Variants in PTPRU observed in about 807,000 individuals in gnomAD.
PTPRU encodes receptor-type tyrosine-protein phosphatase U.
Under a neutral mutation model 166.3 loss-of-function variants are expected in PTPRU, and 69 were observed. The ratio of observed to expected loss-of-function variants is 0.41; its 90% CI spans 0.34 to 0.51. PTPRU has a LOEUF of 0.51. PTPRU is among the 20% of genes least tolerant of loss of function. PTPRU has a pLI of 0.09. For missense variants in PTPRU, 1,657 were observed against 2,013.7 expected (o/e 0.82, Z 3.39); for synonymous variants, 793 against 814.0 (o/e 0.97, Z 0.44).
rs1687260101 is a variant in PTPRU, at chr1:29,303,937, C to T, written c.2559C>T (p.Ser853=). ...SPRRPCGRKG[S]PYHTGQLHPA... Reference sequence around the variant, plus strand: ...GGCGTCCCTGTGGCCGGAAGGGCTCCCCATACCACACGGGGCAGCTGCACC... The same window carrying T: ...GGCGTCCCTGTGGCCGGAAGGGCTCTCCATACCACACGGGGCAGCTGCACC... Residue 853 remains serine (S), a synonymous_variant, in exon 16 of 30, where the codon TCC becomes TCT. Coordinates refer to ENST00000373779, the MANE Select transcript of PTPRU (RefSeq NM_133178.4). 2.5e-6 allele frequency: 4 copies of T among 1,613,966 alleles called. No individual in the cohort carries two copies. The highest frequency in any genetic ancestry group is 3.4e-6 in the Non-Finnish European group (4 of 1,179,934).
rs529915737 is a variant in PTPRU at position 29,282,969 on chromosome 1, C to T, written c.2142+20C>T. On this transcript the variant is annotated intron_variant, in intron 12 of 29. Transcript: ENST00000373779. ...AAGGGGGTGAGGGACCGGCCAGGGT[C>T]ATGGTGGGCGTGGTTGGGTGTGGGG... is the stretch of plus-strand genomic sequence containing the variant. 3 of 1,602,496 alleles carry T rather than the reference C, an allele frequency of 1.9e-6. No individual in the cohort carries two copies. Among genetic ancestry groups the T allele is most frequent in the Non-Finnish European group, 2.5e-6 (3 of 1,177,806 alleles).
At chr1:29,286,118 CA>C (rs1221796869) in intron 14 of PTPRU, among the ~76,000 whole-genome samples, 24 of 152,096 alleles carry the variant, frequency 1.6e-4, no homozygotes, top group African/African-American at 5.3e-4. Flanking sequence ...TGCCTGAGGC[CA>C]GACACCAGCA....
chr1:29,283,727 T>G, intron 12 of PTPRU: 1 of 582,228 alleles, frequency 1.7e-6, no homozygotes, highest in East Asian at 2.9e-5. Context: ...GCCTCCGATC[T>G]CATCCCCCTT....
rs189636002 is a variant in PTPRU at position 29,316,859 on chromosome 1, C to T, written c.3513+708C>T. On this transcript the variant is annotated intron_variant, in intron 24 of 29. Coordinates refer to ENST00000373779, the MANE Select transcript of PTPRU (RefSeq NM_133178.4). Reference sequence around the variant, plus strand: ...GATTGCCCCTGGCTCTGGTCACATGCCCAAGGCCTGGCTCTTGGGGCAGGA... The same window carrying T: ...GATTGCCCCTGGCTCTGGTCACATGTCCAAGGCCTGGCTCTTGGGGCAGGA... Among the ~76,000 whole-genome samples the T allele has an allele frequency of 2.0e-3, 304 of 152,210 alleles. 1 individual carries two copies. The highest frequency in any genetic ancestry group is 7.1e-3 in the African/African-American group (295 of 41,544).
At chr1:29,322,483 G>C (rs139072282) in intron 26 of PTPRU, among the ~76,000 whole-genome samples, 53 of 152,298 alleles carry the variant, frequency 3.5e-4, no homozygotes, top group African/African-American at 1.2e-3. Flanking sequence ...GGGAAGGGCA[G>C]AATTAACTAG....
chr1:29,325,814 C>T lies in PTPRU; in HGVS notation c.*153C>T. 1.1e-6 allele frequency: 1 copy of T among 880,528 alleles called. No individual in the cohort carries two copies. The highest frequency in any genetic ancestry group is 1.8e-5 in the South Asian group (1 of 54,978). 54.5% of individuals were successfully genotyped at this position (880,528 alleles called of 1,614,324 possible). A position where few individuals can be genotyped will look rare whatever the true frequency, so the allele number is the denominator to read the frequency against. ...CTGGGCTATCTTGCTCCCCCTTCCACTGTGGGCAGGGCCTTTCGCTTGTCC... is the reference window on the plus strand; with the variant it reads ...CTGGGCTATCTTGCTCCCCCTTCCATTGTGGGCAGGGCCTTTCGCTTGTCC... On this transcript the variant is annotated 3_prime_UTR_variant, in exon 30 of 30. Coordinates refer to ENST00000373779, the MANE Select transcript of PTPRU (RefSeq NM_133178.4).
At chr1:29,310,706 T>C (rs1687614375) in intron 18 of PTPRU, 38 bp from the exon 19 acceptor site, 1 of 1,600,030 alleles carries the variant, frequency 6.2e-7, no homozygotes, top group Middle Eastern at 1.7e-4. Context: ...GAGGGGCTAC[T>C]CCCTGGGGTC....
intron 21 of PTPRU, 134 bp from the exon 22 acceptor site, chr1:29,312,418 A>C (rs1377645272): frequency 1.2e-6 from 1 of 860,832 alleles, no homozygotes; most frequent in Non-Finnish European, 1.7e-6. Context: ...TACCTACTTC[A>C]TCAGTAAATT....
Position 29,311,931 on chromosome 1 carries a change from G to T in PTPRU, c.3072+172G>T, listed in dbSNP as rs1687683884. Among the ~76,000 whole-genome samples, 1 of 152,250 alleles carries T rather than the reference G, an allele frequency of 6.6e-6. No homozygotes were observed. Among genetic ancestry groups the T allele is most frequent in the Non-Finnish European group, 1.5e-5 (1 of 68,044 alleles). ...GGGAGCACTCTAGAAGGGCAGGAAG[G>T]TCACTGCCTTTGTTGGTGCCCATAG... On this transcript the variant is annotated intron_variant, in intron 21 of 29. Transcript: ENST00000373779. This position sits in a 1 kb window ranked among gnomAD's most constrained non-coding sequence, Gnocchi z 4.1.
chr1:29,268,665 G>A (rs1407340253), intron 7 of PTPRU, among the ~76,000 whole-genome samples: 1 of 152,230 alleles, frequency 6.6e-6, no homozygotes, highest in African/African-American at 2.4e-5. Flanking sequence ...TGCATGTGAA[G>A]TATAGCGCTT....
chr1:29,315,366 C>T lies in PTPRU; in HGVS notation c.3228-6C>T. ...CTGACCTGGTCTGGGGCTGCTCTCT[C>T]TCCAGCGCGGGCACCGGCCGCACAG... On this transcript the variant is annotated splice_polypyrimidine_tract_variant and splice_region_variant and intron_variant, in intron 22 of 29. Coordinates refer to ENST00000373779, the MANE Select transcript of PTPRU (RefSeq NM_133178.4). This position sits in a 1 kb window ranked among gnomAD's most constrained non-coding sequence, Gnocchi z 4.5. The T allele has an allele frequency of 6.2e-7, 1 of 1,614,128 alleles. No individual in the cohort carries two copies. Among genetic ancestry groups the T allele is most frequent in the Non-Finnish European group, 8.5e-7 (1 of 1,180,038 alleles).
At chr1:29,286,262 A>G (rs1220657175) in intron 14 of PTPRU, among the ~76,000 whole-genome samples, 1 of 152,202 alleles carries the variant, frequency 6.6e-6, no homozygotes, top group Non-Finnish European at 1.5e-5. Flanking sequence ...ATTTTAAAGT[A>G]TCATTTAATG....
At position 29,282,711 on chromosome 1, in the gene PTPRU, G is replaced by A. The variant is rs756178981; in HGVS notation, c.1904G>A (p.Arg635Gln). 1.9e-5 allele frequency: 30 copies of A among 1,613,244 alleles called. No homozygotes were observed. Among genetic ancestry groups the A allele is most frequent in the Middle Eastern group, 3.5e-4 (2 of 5,648 alleles). The change falls in exon 12 of 30, where the codon CGG becomes CAG. Residue 635 changes from arginine to glutamine, a missense_variant. Coordinates refer to ENST00000373779, the MANE Select transcript of PTPRU (RefSeq NM_133178.4). ...GTGATTGTGGAGGAGGAGCGGGCGC[G>A]GAGGCTGCGGCGGGAGCCAGGTGGA... ...YQVIVEEERA[R>Q]RLRREPGGQD...
intron 7 of PTPRU, among the ~76,000 whole-genome samples, chr1:29,267,603 T>G (rs1168150298): frequency 6.6e-6 from 1 of 152,146 alleles, no homozygotes; most frequent in Non-Finnish European, 1.5e-5. Context: ...GCTTGGCACG[T>G]GCAAGGGGCA....
rs1351184278 is a variant in PTPRU, at chr1:29,317,892, A to G, written c.3658A>G (p.Asn1220Asp). Residue 1220 changes from asparagine to aspartate, a missense_variant, in exon 25 of 30, where the codon AAC (asparagine) becomes GAC (aspartate). Around this residue, in one of 3 missense-constraint regions of PTPRU, gnomAD observed 1,190 missense variants for 1,477.4 expected, o/e 0.81. Transcript: ENST00000373779. This position sits in a 1 kb window ranked among gnomAD's most constrained non-coding sequence, Gnocchi z 5.6. ...CCTCATCTCCACTGATGGGGACTCC[A>G]ACAACTACATTAATGCAGCCCTGAC... is the stretch of plus-strand genomic sequence containing the variant. ...PFLISTDGDS[N>D]NYINAALTDS... is the part of the protein sequence containing the mutation. 1 of 1,613,854 alleles carries G rather than the reference A, an allele frequency of 6.2e-7. No individual in the cohort carries two copies. Among genetic ancestry groups the G allele is most frequent in the Non-Finnish European group, 8.5e-7 (1 of 1,180,012 alleles).
chr1:29,258,528 TC>T lies in PTPRU; in HGVS notation c.232del (p.Gln78SerfsTer15). 6.2e-7 allele frequency: 1 copy of T among 1,613,948 alleles called. No homozygotes were observed. Among genetic ancestry groups the T allele is most frequent in the Non-Finnish European group, 8.5e-7 (1 of 1,179,928 alleles). ...AGGCTCCTACTTGATGGTCAACACT[TC>T]CCAGCATGCCCCAGGCCAGCGAGCC... The part of the protein sequence containing the change: ...PHGSYLMVNT[S>X]QHAPGQRAHV... On this transcript the variant is annotated frameshift_variant, in exon 3 of 30. Transcript: ENST00000373779. LOFTEE classifies it high-confidence loss of function.
chr1:29,283,222 G>A (rs1686177827), intron 12 of PTPRU, among the ~76,000 whole-genome samples: 1 of 89,804 alleles, frequency 1.1e-5, no homozygotes, highest in African/African-American at 4.5e-5. Context: ...ACCTCCCATT[G>A]CCCCACCTCC....
chr1:29,323,372 C>T lies in PTPRU; in HGVS notation c.3830C>T (p.Pro1277Leu). Residue 1277 changes from proline (P) to leucine (L), a missense_variant and splice_region_variant, in exon 27 of 30, where the codon CCC (proline) becomes CTC (leucine). Around this residue, in one of 3 missense-constraint regions of PTPRU, gnomAD observed 1,190 missense variants for 1,477.4 expected, o/e 0.81. Transcript: ENST00000373779. ...NQLNQSNSAW[P>L]CLQYWPEPGR... is the part of the protein sequence containing the mutation. ...TCCCCTCTCCGTGCTTATGCCCAGC[C>T]CTGCCTGCAGTACTGGCCAGAGCCA... The T allele has an allele frequency of 6.2e-7, 1 of 1,606,012 alleles. No homozygotes were observed. The highest frequency in any genetic ancestry group is 1.1e-5 in the South Asian group (1 of 89,234).
chr1:29,273,500 C>T (rs930413248), intron 7 of PTPRU, among the ~76,000 whole-genome samples: 1 of 152,182 alleles, frequency 6.6e-6, no homozygotes, highest in Non-Finnish European at 1.5e-5. Flanking sequence ...AACTCCTGAC[C>T]TCAGGTGATC....
Sources: allele counts gnomAD v4.1 joint callset (sites outside exome capture counted in the v4.1 genomes callset), GRCh38; gene constraint gnomAD v4.1.1; regional missense constraint gnomAD v4.1.1; non-coding constraint Gnocchi (gnomAD v3.1); transcripts MANE v1.5; gene names NCBI Gene and HGNC (gene_info 2026-07-23, HGNC 2026-07-21).